Variants in CUL1 observed in about 807,000 individuals in gnomAD.
The protein encoded by CUL1 is cullin 1, also known as cullin-1.
Under a neutral mutation model 118.0 loss-of-function variants are expected in CUL1, and 24 were observed. That is an observed-to-expected ratio of 0.20 (90% CI 0.15 to 0.29). The LOEUF (loss-of-function observed/expected upper bound fraction) is 0.29, where lower values mean the gene tolerates loss of function less well. CUL1 is among the 10% of genes least tolerant of loss of function. CUL1 has a pLI of 1.00. For missense variants in CUL1, 361 were observed against 933.8 expected, an observed-to-expected ratio of 0.39 and a Z score of 7.99; for synonymous variants, 332 against 340.4, an observed-to-expected ratio of 0.98 and a Z score of 0.27.
At chr7:148,707,029 A>G (rs1797907035) in intron 1 of CUL1, among the ~76,000 whole-genome samples, 2 of 152,198 alleles carry the variant, frequency 1.3e-5, no homozygotes. Context: ...GGGTATGTAT[A>G]TATGTATACA....
intron 17 of CUL1, 83 bp from the exon 18 acceptor site, chr7:148,797,729 T>C (rs1801254188): frequency 4.3e-6 from 4 of 929,480 alleles, no homozygotes; most frequent in African/African-American, 1.7e-5. Flanking sequence ...TAATGGAAAA[T>C]GGACTGTGAG....
intron 9 of CUL1, chr7:148,783,246 C>G (rs531545222): frequency 1.2e-6 from 1 of 801,310 alleles, no homozygotes; most frequent in Non-Finnish European, 1.5e-6. Context: ...CCGCGCTCCG[C>G]CCCTCTTCCC....
intron 9 of CUL1, among the ~76,000 whole-genome samples, chr7:148,779,448 GTGTT>G (rs1469490999): frequency 6.6e-5 from 10 of 152,180 alleles, no homozygotes; most frequent in Non-Finnish European, 4.4e-5. Flanking sequence ...CCTGAAAAAA[GTGTT>G]TGAGATGGAG....
intron 2 of CUL1, among the ~76,000 whole-genome samples, chr7:148,733,647 C>G (rs1798841235): frequency 6.6e-6 from 1 of 150,874 alleles, no homozygotes; most frequent in Non-Finnish European, 1.5e-5. Flanking sequence ...GTGCTTTGGA[C>G]CGGGGAAGAA....
At chr7:148,799,655 C>T (rs1189998958) in intron 21 of CUL1, among the ~76,000 whole-genome samples, 3 of 152,180 alleles carry the variant, frequency 2.0e-5, no homozygotes, top group Admixed American at 6.5e-5. Context: ...CCCGGCATCC[C>T]GGAAGCCCAC....
intron 19 of CUL1, 137 bp from the exon 20 acceptor site, chr7:148,798,435 G>A (rs1281519239): frequency 1.2e-5 from 8 of 647,522 alleles, no homozygotes; most frequent in South Asian, 5.7e-5. Flanking sequence ...ACATTTTCAC[G>A]GAGAGCTCAC....
At chr7:148,719,512 T>G (rs1288911673) in intron 1 of CUL1, among the ~76,000 whole-genome samples, 2 of 152,230 alleles carry the variant, frequency 1.3e-5, no homozygotes, top group African/African-American at 2.4e-5. Context: ...TTATGAAGTC[T>G]TATCTAATTA....
chr7:148,723,282 C>G (rs1193282291), intron 1 of CUL1, among the ~76,000 whole-genome samples: 1 of 152,184 alleles, frequency 6.6e-6, no homozygotes, highest in Non-Finnish European at 1.5e-5. Context: ...CTGCCGTATT[C>G]CCCTGAGGAA....
chr7:148,707,990 C>T (rs1241390022), intron 1 of CUL1, among the ~76,000 whole-genome samples: 1 of 152,166 alleles, frequency 6.6e-6, no homozygotes, highest in Non-Finnish European at 1.5e-5. Context: ...ATTTCCCAGA[C>T]TTGTGGACCA....
intron 17 of CUL1, among the ~76,000 whole-genome samples, chr7:148,793,478 CCT>C (rs1475482576): frequency 2.6e-5 from 4 of 152,136 alleles, no homozygotes; most frequent in African/African-American, 9.7e-5. Flanking sequence ...GCTCCCAGCC[CCT>C]GACAACCATT....
In CUL1 at chr7:148,783,866, T is replaced by C; in HGVS notation, c.1167T>C (p.Ala389=). The C allele has an allele frequency of 6.2e-7, 1 of 1,614,206 alleles. No homozygotes were observed. Among genetic ancestry groups the C allele is most frequent in the Non-Finnish European group, 8.5e-7 (1 of 1,180,024 alleles). The change falls in exon 10 of 22, where the codon GCT becomes GCC. Residue 389 remains alanine, a synonymous_variant. Transcript: ENST00000325222. ...ALVMSAFNND[A]GFVAALDKAC... ...TAATGTCTGCATTCAACAATGACGC[T>C]GGCTTTGTGGCTGCTCTTGATAAGG...
At chr7:148,788,725 G>A (rs753940703) in intron 14 of CUL1, 51 bp downstream of exon 14, 2 of 1,203,008 alleles carry the variant, frequency 1.7e-6, no homozygotes, top group Non-Finnish European at 1.2e-6. Context: ...GTTCTCTGTA[G>A]CAAATGAAGA....
At chr7:148,757,850 C>T (rs767870827) in intron 4 of CUL1, among the ~76,000 whole-genome samples, 1 of 152,172 alleles carries the variant, frequency 6.6e-6, no homozygotes, top group African/African-American at 2.4e-5. Context: ...GCGGAAACCC[C>T]TTATAAAACC....
intron 1 of CUL1, among the ~76,000 whole-genome samples, chr7:148,707,596 G>T (rs1028265431): frequency 6.6e-6 from 1 of 152,002 alleles, no homozygotes; most frequent in African/African-American, 2.4e-5. Context: ...CCATCACCTA[G>T]GTATTAAGCC....
chr7:148,777,092 G>A (rs1222796956), intron 9 of CUL1, among the ~76,000 whole-genome samples: 1 of 152,136 alleles, frequency 6.6e-6, no homozygotes, highest in Non-Finnish European at 1.5e-5. Context: ...CTGAAAACAA[G>A]GACTTCAGCC....
At chr7:148,788,471 T>C (rs1800894172) in intron 13 of CUL1, 86 bp from the exon 14 acceptor site, 2 of 838,202 alleles carry the variant, frequency 2.4e-6, no homozygotes, top group Non-Finnish European at 3.9e-6. Flanking sequence ...AAGTATATAT[T>C]GTATACTCTG....
intron 2 of CUL1, among the ~76,000 whole-genome samples, chr7:148,738,411 T>G (rs1323219991): frequency 6.6e-6 from 1 of 152,170 alleles, no homozygotes; most frequent in African/African-American, 2.4e-5. Context: ...AAGCATGCCT[T>G]GGCAGACAAC....
intron 9 of CUL1, among the ~76,000 whole-genome samples, chr7:148,770,391 T>G (rs1241939775): frequency 1.3e-5 from 2 of 151,530 alleles, no homozygotes; most frequent in South Asian, 2.1e-4. Flanking sequence ...CAAATATTAG[T>G]TTTTTTTAGT....
intron 17 of CUL1, among the ~76,000 whole-genome samples, chr7:148,795,453 C>G (rs1415156884): frequency 6.6e-6 from 1 of 151,780 alleles, no homozygotes; most frequent in African/African-American, 2.4e-5. Context: ...TCTGATTGCT[C>G]GTTGCTAATG....
Sources: allele counts gnomAD v4.1 joint callset (sites outside exome capture counted in the v4.1 genomes callset), GRCh38; gene constraint gnomAD v4.1.1; transcripts MANE v1.5; gene names NCBI Gene and HGNC (gene_info 2026-07-23, HGNC 2026-07-21).